The following BTD variants were observed in gnomAD, a reference collection of about 807,000 sequenced individuals.
The protein encoded by BTD is biocytinase.
A neutral mutation model predicts 17.7 loss-of-function variants in BTD; 13 were observed. The ratio of observed to expected loss-of-function variants is 0.74; its 90% CI spans 0.48 to 1.17. The LOEUF is 1.17. Ranked by LOEUF, BTD falls within the 50% of genes most tolerant of loss-of-function variation. The pLI, the probability that BTD is intolerant of heterozygous loss-of-function variation, is 0.00. For synonymous variants in BTD, 240 were observed against 245.2 expected, an observed-to-expected ratio of 0.98 and a Z score of 0.20; for missense variants, 674 against 650.4, an observed-to-expected ratio of 1.04 and a Z score of -0.39.
chr3:15,677,591 T>A, intron 3 of BTD: 1 of 1,516,280 alleles, frequency 6.6e-7, no homozygotes, highest in African/African-American at 1.4e-5. Flanking sequence ...TCAATTCTTA[T>A]GTTTATGAAC....
At chr3:15,700,183 AAGG>A (rs908298889) in intron 3 of BTD, among the ~76,000 whole-genome samples, 3 of 152,168 alleles carry the variant, frequency 2.0e-5, no homozygotes, top group Non-Finnish European at 4.4e-5. Flanking sequence ...GGAGCTGAAC[AAGG>A]AGAACACATG....
chr3:15,686,344 A>G, intron 3 of BTD: 1 of 1,441,754 alleles, frequency 6.9e-7, no homozygotes, highest in Non-Finnish European at 9.5e-7. Flanking sequence ...CAGTAATTAC[A>G]TATAATGATA....
chr3:15,719,918 T>C (rs1452683424), intron 4 of BTD, among the ~76,000 whole-genome samples: 2 of 152,118 alleles, frequency 1.3e-5, no homozygotes, highest in East Asian at 3.9e-4. Context: ...TCACCCAGGC[T>C]GGAGGGCAGT....
At chr3:15,661,629 A>C (rs2065926313) in intron 3 of BTD, among the ~76,000 whole-genome samples, 1 of 152,180 alleles carries the variant, frequency 6.6e-6, no homozygotes, top group South Asian at 2.1e-4. Context: ...TGTCTCACAG[A>C]GCAGAAATTT....
intron 3 of BTD, among the ~76,000 whole-genome samples, chr3:15,663,531 C>T (rs1025632571): frequency 2.0e-5 from 3 of 152,084 alleles, no homozygotes; most frequent in African/African-American, 7.2e-5. Context: ...CAGATATAGG[C>T]CTATTTCTTC....
At chr3:15,626,348 TC>T (rs2065065310) in intron 1 of BTD, among the ~76,000 whole-genome samples, 1 of 152,196 alleles carries the variant, frequency 6.6e-6, no homozygotes, top group African/African-American at 2.4e-5. Flanking sequence ...AGCTAGATGA[TC>T]CTCTGCTTTG....
chr3:15,717,110 A>G (rs2073164537), downstream of BTD, among the ~76,000 whole-genome samples: 1 of 152,214 alleles, frequency 6.6e-6, no homozygotes, highest in Non-Finnish European at 1.5e-5. Flanking sequence ...ACTAGGTCTC[A>G]TAGCTAATAA....
intron 3 of BTD, among the ~76,000 whole-genome samples, chr3:15,703,503 T>C (rs1436749030): frequency 6.6e-6 from 1 of 152,172 alleles, no homozygotes; most frequent in Non-Finnish European, 1.5e-5. Context: ...AGAGCTCTCA[T>C]TCCTTCTACC....
intron 3 of BTD, among the ~76,000 whole-genome samples, chr3:15,699,235 T>C (rs143270279): frequency 8.1e-4 from 123 of 152,216 alleles, no homozygotes; most frequent in African/African-American, 2.7e-3. Context: ...TATACAAAAA[T>C]TAACTCAAGA....
chr3:15,652,603 A>G lies in BTD; in HGVS notation c.*7115A>G, dbSNP rs894607264. Among the ~76,000 whole-genome samples the G allele has an allele frequency of 7.2e-5, 11 of 152,204 alleles. No individual in the cohort carries two copies. The highest frequency in any genetic ancestry group is 1.5e-5 in the Non-Finnish European group (1 of 68,030). Reference sequence around the variant, plus strand: ...CCACAAAGTCACTCTTGATTTCCTAAGTCTCAGAAACTATAAAATATAAAT... The same window carrying G: ...CCACAAAGTCACTCTTGATTTCCTAGGTCTCAGAAACTATAAAATATAAAT... On this transcript the variant is annotated 3_prime_UTR_variant, in exon 4 of 4. Coordinates refer to ENST00000643237, the MANE Select transcript of BTD (RefSeq NM_001370658.1).
At chr3:15,629,951 A>G (rs2065163501) in intron 1 of BTD, 1 of 641,856 alleles carries the variant, frequency 1.6e-6, no homozygotes, top group Non-Finnish European at 1.9e-6. Flanking sequence ...CAAACGGTTT[A>G]TATTGCATGT....
intron 3 of BTD, among the ~76,000 whole-genome samples, chr3:15,674,195 A>AAAAAAAAAAAAAAAAAAAAC: frequency 6.6e-6 from 1 of 150,752 alleles, no homozygotes; most frequent in Non-Finnish European, 1.5e-5. Context: ...AAAAAAAAAA[A>AAAAAAAAAAAAAAAAAAAAC]AAAGAAGAAG....
chr3:15,713,687 A>C, downstream of BTD: 1 of 1,266,152 alleles, frequency 7.9e-7, no homozygotes, highest in Non-Finnish European at 1.1e-6. Context: ...TATAAAGATC[A>C]GGTCAAACGT....
chr3:15,607,533 T>C (rs1172256979), intron 1 of BTD, among the ~76,000 whole-genome samples: 1 of 152,212 alleles, frequency 6.6e-6, no homozygotes, highest in African/African-American at 2.4e-5. Context: ...AGCCCCCAAA[T>C]TGGGATAGTG....
chr3:15,699,595 A>C (rs988452358), intron 3 of BTD, among the ~76,000 whole-genome samples: 1 of 152,276 alleles, frequency 6.6e-6, no homozygotes. Context: ...GACACTTCTC[A>C]AAAGATGACA....
At chr3:15,659,899 C>A (rs1056310198) in intron 3 of BTD, among the ~76,000 whole-genome samples, 5 of 152,186 alleles carry the variant, frequency 3.3e-5, no homozygotes, top group African/African-American at 7.2e-5. Context: ...GATAGGACAT[C>A]TGAGGTTCAG....
chr3:15,631,845 T>A (rs12639040), intron 1 of BTD, among the ~76,000 whole-genome samples: 15,166 of 152,230 alleles, frequency 0.1, 955 homozygotes, highest in East Asian at 0.34. Context: ...TGCACCTTGG[T>A]AGACTCAGGC....
chr3:15,627,001 C>T (rs1387801951), intron 1 of BTD, among the ~76,000 whole-genome samples: 1 of 152,112 alleles, frequency 6.6e-6, no homozygotes, highest in Non-Finnish European at 1.5e-5. Flanking sequence ...ATGTCCAATG[C>T]CTCCAGGAAG....
chr3:15,700,802 C>T (rs767777481), intron 3 of BTD, among the ~76,000 whole-genome samples: 3 of 151,832 alleles, frequency 2.0e-5, no homozygotes, highest in Non-Finnish European at 2.9e-5. Context: ...CCATAATTTA[C>T]AATTTTAATA....
Sources: gnomAD v4.1 joint callset for allele counts (sites outside exome capture counted in the v4.1 genomes callset) on GRCh38, gnomAD v4.1.1 for gene constraint, MANE v1.5 for transcripts, NCBI Gene and HGNC (gene_info 2026-07-23, HGNC 2026-07-21) for gene names.